TRPM3: variants seen among roughly 807,000 people sequenced by gnomAD.
The protein encoded by TRPM3 is long transient receptor potential channel 3.
In TRPM3, 77 loss-of-function variants were observed where a neutral mutation model predicts 181.2. That is an observed-to-expected ratio of 0.42 (90% CI 0.35 to 0.51). The LOEUF (loss-of-function observed/expected upper bound fraction) is 0.51. Among genes scored for constraint, TRPM3 ranks in the 20% least tolerant of loss-of-function variants. The pLI, the probability that TRPM3 is intolerant of heterozygous loss-of-function variation, is 0.01. For synonymous variants in TRPM3, 745 were observed against 796.4 expected (o/e 0.94, Z 1.09); for missense variants, 1,759 against 2,196.7 (o/e 0.80, Z 3.98).
At chr9:71,351,888 T>G (rs78564530) in intron 1 of TRPM3, among the ~76,000 whole-genome samples, 1 of 131,442 alleles carries the variant, frequency 7.6e-6, no homozygotes, top group African/African-American at 2.8e-5. Context: ...TTTTTTTTTT[T>G]TTTTTGAGAC....
chr9:71,164,921 C>T (rs59733058), intron 1 of TRPM3, among the ~76,000 whole-genome samples: 2,871 of 152,226 alleles, frequency 0.019, 103 homozygotes, highest in African/African-American at 0.066. Context: ...ATTTTATACT[C>T]ATTGGGTCCA....
chr9:70,549,706 G>A, intron 24 of TRPM3, 32 bp from the exon 25 acceptor site: 1 of 1,574,234 alleles, frequency 6.4e-7, no homozygotes, highest in Non-Finnish European at 8.6e-7. Context: ...AAGTCTTGAG[G>A]GAGAGAAGTA....
chr9:71,185,737 A>C (rs772895680), intron 1 of TRPM3, among the ~76,000 whole-genome samples: 8 of 152,018 alleles, frequency 5.3e-5, no homozygotes, highest in Non-Finnish European at 1.0e-4. Flanking sequence ...ACAGATCAGG[A>C]AACTGAAGCT....
intron 1 of TRPM3, among the ~76,000 whole-genome samples, chr9:71,057,728 C>T (rs536998801): frequency 6.6e-6 from 1 of 152,094 alleles, no homozygotes; most frequent in East Asian, 1.9e-4. Context: ...ACATCATTTT[C>T]CCATTGGTCA....
At chr9:71,227,512 T>A (rs552891873) in intron 1 of TRPM3, among the ~76,000 whole-genome samples, 1 of 151,634 alleles carries the variant, frequency 6.6e-6, no homozygotes, top group Non-Finnish European at 1.5e-5. Context: ...ATAAATGACA[T>A]TGAAATGAAT....
intron 1 of TRPM3, among the ~76,000 whole-genome samples, chr9:70,932,299 C>T (rs1053721696): frequency 1.3e-5 from 2 of 152,062 alleles, no homozygotes; most frequent in African/African-American, 4.8e-5. Flanking sequence ...CGTAAACAGT[C>T]TCTAATGCCT....
intron 1 of TRPM3, among the ~76,000 whole-genome samples, chr9:70,896,272 T>C (rs1253458279): frequency 1.3e-5 from 2 of 152,206 alleles, no homozygotes; most frequent in Non-Finnish European, 1.5e-5. Flanking sequence ...TTCTATCTTC[T>C]ATCTGCCTGT....
intron 1 of TRPM3, among the ~76,000 whole-genome samples, chr9:70,983,140 C>T (rs1011242856): frequency 6.6e-6 from 1 of 152,162 alleles, no homozygotes; most frequent in African/African-American, 2.4e-5. Context: ...CTCTCCACCA[C>T]ATTAGACACT....
intron 20 of TRPM3, among the ~76,000 whole-genome samples, chr9:70,601,883 C>T (rs2060049426): frequency 6.6e-6 from 1 of 152,170 alleles, no homozygotes; most frequent in Non-Finnish European, 1.5e-5. Flanking sequence ...AAGGAATATG[C>T]GTCTAGGCGT....
intron 1 of TRPM3, among the ~76,000 whole-genome samples, chr9:71,028,591 T>C (rs1282278459): frequency 7.1e-6 from 1 of 140,298 alleles, no homozygotes; most frequent in African/African-American, 2.7e-5. Flanking sequence ...ATGACACACA[T>C]AGGCTCAAAA....
intron 6 of TRPM3, chr9:70,825,573 G>C (rs1309671759): frequency 6.6e-6 from 1 of 152,146 alleles, no homozygotes; most frequent in African/African-American, 2.4e-5. Flanking sequence ...ATGTGTCCCT[G>C]ATGATCTACC....
chr9:71,367,233 G>A (rs112289114), intron 1 of TRPM3, among the ~76,000 whole-genome samples: 1,923 of 152,292 alleles, frequency 0.013, 21 homozygotes, highest in Middle Eastern at 0.061. Context: ...GAGCAACCAT[G>A]TATTTGATCA....
chr9:70,798,216 G>A (rs1240034871), intron 6 of TRPM3, among the ~76,000 whole-genome samples: 1 of 152,006 alleles, frequency 6.6e-6, no homozygotes, highest in Non-Finnish European at 1.5e-5. Flanking sequence ...CACCACACCC[G>A]GCTAATTTCT....
rs1040735570 is a variant in TRPM3 at position 71,099,483 on chromosome 9, A to G, written c.177+21695T>C. On this transcript the variant is annotated intron_variant, in intron 1 of 25. Transcript: ENST00000677713. ...CACGTCTCACCATTATATTTAACTC[A>G]TAATCCTCGCCTCCTTTAAGTGTAC... Among the ~76,000 whole-genome samples, 3 of 152,176 alleles carry G rather than the reference A, an allele frequency of 2.0e-5. 1 individual carries two copies. The highest frequency in any genetic ancestry group is 2.0e-4 in the Admixed American group (3 of 15,268).
At chr9:71,097,889 G>T (rs558964636) in intron 1 of TRPM3, among the ~76,000 whole-genome samples, 2 of 152,256 alleles carry the variant, frequency 1.3e-5, no homozygotes, top group East Asian at 3.9e-4. Context: ...ATGGCACAAA[G>T]TTAGAGACAT....
chr9:70,958,664 C>A (rs2097104760), intron 1 of TRPM3, among the ~76,000 whole-genome samples: 1 of 152,032 alleles, frequency 6.6e-6, no homozygotes, highest in African/African-American at 2.4e-5. Flanking sequence ...TGGGTATATA[C>A]CCAAAGGACT....
At chr9:71,233,534 CA>C in intron 1 of TRPM3, among the ~76,000 whole-genome samples, 1 of 152,066 alleles carries the variant, frequency 6.6e-6, no homozygotes, top group South Asian at 2.1e-4. Context: ...ACCATAAAAA[CA>C]AAAAAATCAT....
At chr9:71,081,836 A>G (rs889126561) in intron 1 of TRPM3, among the ~76,000 whole-genome samples, 2 of 152,214 alleles carry the variant, frequency 1.3e-5, no homozygotes, top group African/African-American at 4.8e-5. Context: ...ATGAAAGTGT[A>G]CAAACATCTG....
At chr9:71,111,047 A>G (rs942795295) in intron 1 of TRPM3, among the ~76,000 whole-genome samples, 3 of 152,104 alleles carry the variant, frequency 2.0e-5, no homozygotes, top group African/African-American at 7.2e-5. Context: ...ACCATCAATC[A>G]AACTGAAAAA....
Sources: allele counts gnomAD v4.1 joint callset (sites outside exome capture counted in the v4.1 genomes callset), GRCh38; gene constraint gnomAD v4.1.1; transcripts MANE v1.5; gene names NCBI Gene and HGNC (gene_info 2026-07-23, HGNC 2026-07-21).